The following PLEKHH1 variants were observed in gnomAD, a reference collection of about 807,000 sequenced individuals.
PLEKHH1 encodes pleckstrin homology domain-containing family H member 1.
Under a neutral mutation model 160.0 loss-of-function variants are expected in PLEKHH1, and 104 were observed. The observed-to-expected ratio is 0.65, with a 90% CI of 0.55 to 0.76. The LOEUF is 0.76. Ranked by LOEUF, PLEKHH1 falls within the 30% of genes least tolerant of loss-of-function variation. PLEKHH1 has a pLI of 0.00. For synonymous variants in PLEKHH1, 619 were observed against 678.4 expected, an observed-to-expected ratio of 0.91 and a Z score of 1.36; for missense variants, 1,427 against 1,724.1, an observed-to-expected ratio of 0.83 and a Z score of 3.05.
Position 67,573,181 on chromosome 14 carries a change from C to T in PLEKHH1, c.1729-95C>T, listed in dbSNP as rs117185632. The stretch of plus-strand genomic sequence containing the variant: ...AATAATTTTGTATTTAATTGATGAC[C>T]GAGTAGTGAGGCAGCTGGACCACTT... On this transcript the variant is annotated intron_variant, in intron 11 of 28. Transcript: ENST00000329153. This position sits in a 1 kb window ranked among gnomAD's most constrained non-coding sequence, Gnocchi z 4.8. 2.7e-6 allele frequency: 2 copies of T among 736,440 alleles called. No individual in the cohort carries two copies. The highest frequency in any genetic ancestry group is 1.5e-5 in the South Asian group (1 of 65,662). 45.6% of individuals were successfully genotyped at this position (736,440 alleles called of 1,614,324 possible).
chr14:67,586,901 G>T, intron 28 of PLEKHH1, 173 bp from the exon 29 acceptor site: 1 of 1,532,122 alleles, frequency 6.5e-7, no homozygotes, highest in South Asian at 1.2e-5. Flanking sequence ...CCACACCACT[G>T]GGCCTCTGAA....
intron 1 of PLEKHH1, among the ~76,000 whole-genome samples, chr14:67,539,894 AAAGACTCAATAAG>A (rs1419676344): frequency 6.6e-6 from 1 of 152,232 alleles, no homozygotes; most frequent in Non-Finnish European, 1.5e-5. Context: ...GGCATACAAT[AAAGACTCAATAAG>A]CAATAGCTAC....
chr14:67,557,698 A>T (rs1228000532), intron 4 of PLEKHH1, among the ~76,000 whole-genome samples: 1 of 152,246 alleles, frequency 6.6e-6, no homozygotes, highest in African/African-American at 2.4e-5. Flanking sequence ...ACAGTGGGCA[A>T]AGTGTTTAAG....
At chr14:67,572,403 C>A in intron 11 of PLEKHH1, 126 bp downstream of exon 11, 8 of 337,444 alleles carry the variant, frequency 2.4e-5, no homozygotes, top group South Asian at 1.8e-4. Context: ...GGGATGGGGG[C>A]AGGGGGCGTG....
At position 67,573,531 on chromosome 14, in the gene PLEKHH1, C is replaced by T. The variant is rs1204951252; in HGVS notation, c.1839+145C>T. The T allele has an allele frequency of 3.1e-6, 2 of 650,336 alleles. No individual in the cohort carries two copies. Among genetic ancestry groups the T allele is most frequent in the African/African-American group, 1.8e-5 (1 of 55,124 alleles). The allele number at this position is 650,336 out of a possible 1,614,324, so 40.3% of individuals were successfully genotyped here. A position where few individuals can be genotyped will look rare whatever the true frequency, so the allele number is the denominator to read the frequency against. On this transcript the variant is annotated intron_variant, in intron 12 of 28. Coordinates refer to ENST00000329153, the MANE Select transcript of PLEKHH1 (RefSeq NM_020715.3). The surrounding 1 kb of genome is among the most constrained non-coding windows in gnomAD (Gnocchi z 4.8). ...GTGGGGAGAGGCAACCTCACTGGGC[C>T]CCTGAGGCTTTGAGCCACACTTGGG...
chr14:67,545,988 G>A (rs1029931235), intron 2 of PLEKHH1, among the ~76,000 whole-genome samples: 6 of 152,012 alleles, frequency 3.9e-5, no homozygotes, highest in Non-Finnish European at 8.8e-5. Flanking sequence ...GATTACAACA[G>A]TTAGAACCAT....
In PLEKHH1 at chr14:67,573,275, G is replaced by A; in HGVS notation, c.1729-1G>A. 1 of 1,598,402 alleles carries A rather than the reference G, an allele frequency of 6.3e-7. No individual in the cohort carries two copies. The highest frequency in any genetic ancestry group is 1.1e-5 in the South Asian group (1 of 90,780). On this transcript the variant is annotated splice_acceptor_variant, in intron 11 of 28. Transcript: ENST00000329153. LOFTEE classifies it high-confidence loss of function. This position sits in a 1 kb window ranked among gnomAD's most constrained non-coding sequence, Gnocchi z 4.8. ...TTCATCTACACCCTTCCACCCCTCA[G>A]GAGTCACTGGAGAAGTCGGGCTACC...
chr14:67,575,007 C>G (rs116233657), intron 14 of PLEKHH1, among the ~76,000 whole-genome samples: 1 of 152,188 alleles, frequency 6.6e-6, no homozygotes, highest in Non-Finnish European at 1.5e-5. Flanking sequence ...CCGTGTGCAG[C>G]TTCTGTTCCT....
intron 2 of PLEKHH1, among the ~76,000 whole-genome samples, chr14:67,550,265 T>C (rs1210517476): frequency 6.6e-6 from 1 of 152,182 alleles, no homozygotes; most frequent in Non-Finnish European, 1.5e-5. Context: ...CTCAGCTCAC[T>C]GCTACCTCTG....
intron 28 of PLEKHH1, 173 bp from the exon 29 acceptor site, chr14:67,586,900 TG>T (rs1566769751): frequency 1.6e-5 from 25 of 1,531,644 alleles, no homozygotes; most frequent in Non-Finnish European, 2.1e-5. Context: ...CCCACACCAC[TG>T]GGCCTCTGAA....
At position 67,578,210 on chromosome 14, in the gene PLEKHH1, C is replaced by T. The variant is rs1358694402; in HGVS notation, c.2751+11C>T. ...TACTCCCTCATGCAGGTAGGCATGCCAGGGGTGGAGCAGCTGACAGAAGCC... is the reference window on the plus strand; with the variant it reads ...TACTCCCTCATGCAGGTAGGCATGCTAGGGGTGGAGCAGCTGACAGAAGCC... On this transcript the variant is annotated intron_variant, in intron 19 of 28. Coordinates refer to ENST00000329153, the MANE Select transcript of PLEKHH1 (RefSeq NM_020715.3). The surrounding 1 kb of genome is among the most constrained non-coding windows in gnomAD (Gnocchi z 5.0). 1 of 1,610,712 alleles carries T rather than the reference C, an allele frequency of 6.2e-7. No homozygotes were observed. Among genetic ancestry groups the T allele is most frequent in the East Asian group, 2.2e-5 (1 of 44,860 alleles).
chr14:67,559,867 T>C (rs1005370556), intron 5 of PLEKHH1, among the ~76,000 whole-genome samples, 176 bp downstream of exon 5: 2 of 152,160 alleles, frequency 1.3e-5, no homozygotes, highest in African/African-American at 4.8e-5. Context: ...CCCTTTCCTT[T>C]TGTCTTGGTT....
chr14:67,552,958 GA>G (rs1566731610), intron 2 of PLEKHH1, among the ~76,000 whole-genome samples: 1 of 152,104 alleles, frequency 6.6e-6, no homozygotes, highest in Non-Finnish European at 1.5e-5. Context: ...ATCCGGAGGG[GA>G]AAAAATGCTC....
chr14:67,535,509 T>A (rs944692960), intron 1 of PLEKHH1, among the ~76,000 whole-genome samples: 21 of 150,984 alleles, frequency 1.4e-4, no homozygotes, highest in Middle Eastern at 3.4e-3. Flanking sequence ...GCCTCCCAAG[T>A]GGCTGGGATT....
In PLEKHH1 at chr14:67,574,852, A is replaced by C. The variant is rs78890763; in HGVS notation, c.2088+449A>C. Among the ~76,000 whole-genome samples the C allele has an allele frequency of 5.1e-3, 780 of 152,300 alleles. 46 individuals are homozygous for C. The East Asian group carries it at 0.12, about 23-fold the overall frequency. On this transcript the variant is annotated intron_variant, in intron 14 of 28. Coordinates refer to ENST00000329153, the MANE Select transcript of PLEKHH1 (RefSeq NM_020715.3). The surrounding 1 kb of genome is among the most constrained non-coding windows in gnomAD (Gnocchi z 4.2). ...CAGAGAAGCAGTTGTTAAACCCAAG[A>C]AAATGGAAGTTAACAAGGAAGTACA...
intron 24 of PLEKHH1, 41 bp from the exon 25 acceptor site, chr14:67,583,700 T>G (rs780716152): frequency 6.4e-6 from 10 of 1,557,112 alleles, no homozygotes; most frequent in Non-Finnish European, 8.8e-6. Context: ...GCCCATCCAC[T>G]GTCAGATTTT....
In PLEKHH1 at chr14:67,575,445, C is replaced by G. The variant is rs1308568845; in HGVS notation, c.2142C>G (p.Phe714Leu). Residue 714 changes from phenylalanine to leucine, a missense_variant, in exon 15 of 29, where the codon TTC (phenylalanine) becomes TTG (leucine). Physicochemically the swap from Phe to Leu is conservative, Grantham distance 22. Coordinates refer to ENST00000329153, the MANE Select transcript of PLEKHH1 (RefSeq NM_020715.3). ...VVWCALVGKI[F>L]YYYRSHEDKR... ...GGTGCGCTCTTGTTGGGAAAATCTT[C>G]TACTACTATCGGAGCCATGAGGACA... is the stretch of plus-strand genomic sequence containing the variant. 6.2e-7 allele frequency: 1 copy of G among 1,607,988 alleles called. No homozygotes were observed. The highest frequency in any genetic ancestry group is 8.5e-7 in the Non-Finnish European group (1 of 1,176,740).
At chr14:67,550,015 G>A (rs575920262) in intron 2 of PLEKHH1, among the ~76,000 whole-genome samples, 127 of 152,290 alleles carry the variant, frequency 8.3e-4, no homozygotes, top group African/African-American at 2.9e-3. Context: ...AGCCCCATGT[G>A]GCCCAGAGAG....
intron 18 of PLEKHH1, among the ~76,000 whole-genome samples, chr14:67,577,757 CTGTTTT>C (rs962230508): frequency 3.3e-5 from 5 of 151,998 alleles, no homozygotes; most frequent in Non-Finnish European, 4.4e-5. Context: ...TTTGAGTTTT[CTGTTTT>C]TGTTTTTGTT....
Sources: gnomAD v4.1 joint callset for allele counts (sites outside exome capture counted in the v4.1 genomes callset) on GRCh38, gnomAD v4.1.1 for gene constraint, Gnocchi (gnomAD v3.1) non-coding constraint, MANE v1.5 for transcripts, NCBI Gene and HGNC (gene_info 2026-07-23, HGNC 2026-07-21) for gene names.